The following OSBPL8 variants were observed in gnomAD, a reference collection of about 807,000 sequenced individuals.
The protein encoded by OSBPL8 is oxysterol-binding protein-related protein 8.
In OSBPL8, 59 loss-of-function variants were observed where a neutral mutation model predicts 125.5. That is an observed-to-expected ratio of 0.47 (90% CI 0.38 to 0.58). OSBPL8 has a LOEUF of 0.58. OSBPL8 is among the 20% of genes least tolerant of loss of function. OSBPL8 has a pLI of 0.00. For synonymous variants in OSBPL8, 330 were observed against 338.9 expected, an observed-to-expected ratio of 0.97 and a Z score of 0.29; for missense variants, 758 against 1,047.8, an observed-to-expected ratio of 0.72 and a Z score of 3.82.
chr12:76,373,789 A>G (rs537900765), intron 17 of OSBPL8, among the ~76,000 whole-genome samples: 1 of 152,260 alleles, frequency 6.6e-6, no homozygotes, highest in African/African-American at 2.4e-5. Flanking sequence ...TAACAACTCA[A>G]TAAACCTAAT....
At chr12:76,455,172 G>A (rs984167388) in intron 3 of OSBPL8, among the ~76,000 whole-genome samples, 6 of 152,028 alleles carry the variant, frequency 3.9e-5, no homozygotes, top group Admixed American at 6.5e-5. Context: ...GAACCCGGGA[G>A]GCGGAGCTTG....
At chr12:76,477,772 G>A (rs906470626) in intron 2 of OSBPL8, among the ~76,000 whole-genome samples, 8 of 152,046 alleles carry the variant, frequency 5.3e-5, no homozygotes, top group South Asian at 4.1e-4. Context: ...CCTAATAGGC[G>A]AAGGGGGGGT....
At chr12:76,423,250 G>A (rs1014487797) in intron 4 of OSBPL8, 3 of 152,220 alleles carry the variant, frequency 2.0e-5, no homozygotes, top group Non-Finnish European at 4.4e-5. Flanking sequence ...CAAGCACAAC[G>A]TTGATGGATT....
chr12:76,388,944 A>G (rs960867350), intron 12 of OSBPL8, among the ~76,000 whole-genome samples: 3 of 152,196 alleles, frequency 2.0e-5, no homozygotes, highest in Admixed American at 6.5e-5. Context: ...GCAGGGCCAG[A>G]TATCAGTGGC....
intron 14 of OSBPL8, chr12:76,385,926 G>C (rs1432556090): frequency 2.4e-6 from 1 of 421,246 alleles, no homozygotes; most frequent in African/African-American, 2.1e-5. Flanking sequence ...AGGGCAGGGG[G>C]CATAGCAAAG....
chr12:76,532,291 G>GA (rs1012771421), intron 1 of OSBPL8, among the ~76,000 whole-genome samples: 1 of 151,404 alleles, frequency 6.6e-6, no homozygotes, highest in South Asian at 2.1e-4. Flanking sequence ...ATACCATAGT[G>GA]AAAAAAAATC....
At chr12:76,398,288 A>C (rs1953902091) in intron 7 of OSBPL8, among the ~76,000 whole-genome samples, 1 of 152,064 alleles carries the variant, frequency 6.6e-6, no homozygotes, top group Non-Finnish European at 1.5e-5. Flanking sequence ...TTTCCCCTTC[A>C]CCACATCAAC....
intron 2 of OSBPL8, among the ~76,000 whole-genome samples, chr12:76,483,123 G>A (rs1223937748): frequency 6.6e-6 from 1 of 152,100 alleles, no homozygotes; most frequent in Non-Finnish European, 1.5e-5. Context: ...AGCCAGGCAT[G>A]GTGGCGCTCG....
At chr12:76,556,274 G>GGTA (rs1484162345) in intron 1 of OSBPL8, among the ~76,000 whole-genome samples, 2 of 151,960 alleles carry the variant, frequency 1.3e-5, no homozygotes, top group Non-Finnish European at 2.9e-5. Flanking sequence ...TTCGACAAAG[G>GGTA]TAAAAATAAC....
At chr12:76,468,733 T>C (rs1875756969) in intron 2 of OSBPL8, among the ~76,000 whole-genome samples, 1 of 152,238 alleles carries the variant, frequency 6.6e-6, no homozygotes, top group South Asian at 2.1e-4. Context: ...TCTCTTGCCA[T>C]ACAAATAAAT....
At chr12:76,426,240 T>C (rs1251049113) in intron 4 of OSBPL8, among the ~76,000 whole-genome samples, 4 of 152,208 alleles carry the variant, frequency 2.6e-5, no homozygotes, top group Non-Finnish European at 4.4e-5. Flanking sequence ...AGCCCAGCTG[T>C]AGCCAATCAT....
At chr12:76,360,946 G>A (rs1004136592) in intron 21 of OSBPL8, among the ~76,000 whole-genome samples, 3 of 152,192 alleles carry the variant, frequency 2.0e-5, no homozygotes, top group Admixed American at 1.3e-4. Context: ...TGAAGGGTGG[G>A]GCTGCCATGA....
chr12:76,410,703 G>T, intron 4 of OSBPL8, 69 bp from the exon 5 acceptor site: 1 of 1,064,922 alleles, frequency 9.4e-7, no homozygotes. Context: ...TCATTTTCAA[G>T]TATAGACTAT....
intron 19 of OSBPL8, among the ~76,000 whole-genome samples, chr12:76,370,588 T>C (rs1462801110): frequency 6.6e-6 from 1 of 152,232 alleles, no homozygotes; most frequent in East Asian, 1.9e-4. Context: ...TCTTCAAATA[T>C]GCTGAATTAT....
intron 1 of OSBPL8, among the ~76,000 whole-genome samples, chr12:76,538,945 A>AAAAAAAG: frequency 6.6e-6 from 1 of 151,668 alleles, no homozygotes; most frequent in South Asian, 2.1e-4. Flanking sequence ...TCCATCTCAA[A>AAAAAAAG]AAAAAAGAAA....
At chr12:76,495,842 G>T (rs1250706685) in intron 1 of OSBPL8, among the ~76,000 whole-genome samples, 5 of 152,172 alleles carry the variant, frequency 3.3e-5, no homozygotes, top group Non-Finnish European at 5.9e-5. Context: ...CCAGTTCAGG[G>T]AAGTTTCTTC....
chr12:76,393,305 T>C (rs1001112086), intron 9 of OSBPL8, among the ~76,000 whole-genome samples: 6 of 152,198 alleles, frequency 3.9e-5, no homozygotes, highest in African/African-American at 1.4e-4. Context: ...AAACTTTTCA[T>C]TTATATTTGT....
At chr12:76,494,343 A>G (rs1419458199) in intron 1 of OSBPL8, among the ~76,000 whole-genome samples, 2 of 152,106 alleles carry the variant, frequency 1.3e-5, no homozygotes, top group African/African-American at 4.8e-5. Flanking sequence ...ACTGGGTGGG[A>G]GTCTTTTACT....
Position 76,487,725 on chromosome 12 carries a change from T to C in OSBPL8, c.-67-107A>G, listed in dbSNP as rs115507592. On this transcript the variant is annotated intron_variant, in intron 1 of 23. Transcript: ENST00000261183. ...AAAAATCATTTTAGTCTGAGGTTATTTGGAAATTCAATAATTAAAAAAAAA... is the reference window on the plus strand; with the variant it reads ...AAAAATCATTTTAGTCTGAGGTTATCTGGAAATTCAATAATTAAAAAAAAA... The C allele has an allele frequency of 1.7e-3, 752 of 432,856 alleles. 9 individuals are homozygous for C. Among genetic ancestry groups the C allele is most frequent in the African/African-American group, 0.013 (642 of 49,192 alleles). 26.8% of individuals were successfully genotyped at this position (432,856 alleles called of 1,614,324 possible).
Sources: gnomAD v4.1 joint callset for allele counts (sites outside exome capture counted in the v4.1 genomes callset) on GRCh38, gnomAD v4.1.1 for gene constraint, MANE v1.5 for transcripts, NCBI Gene and HGNC (gene_info 2026-07-23, HGNC 2026-07-21) for gene names.